DOK6: variants seen among roughly 807,000 people sequenced by gnomAD.
DOK6 encodes the protein downstream of tyrosine kinase 6.
DOK6 carries 22 observed loss-of-function variants against 44.0 expected under a neutral mutation model. That is an observed-to-expected ratio of 0.50 (90% CI 0.36 to 0.71). The LOEUF (loss-of-function observed/expected upper bound fraction) is 0.71, where lower values mean the gene tolerates loss of function less well. Among genes scored for constraint, DOK6 ranks in the 30% least tolerant of loss-of-function variants. The probability of loss-of-function intolerance (pLI) is 0.00; values close to 1 mark genes in which losing one functional copy is unlikely to be tolerated. For synonymous variants in DOK6, 166 were observed against 145.5 expected, an observed-to-expected ratio of 1.14 and a Z score of -1.01; for missense variants, 340 against 416.4, an observed-to-expected ratio of 0.82 and a Z score of 1.60.
At chr18:69,470,714 G>A (rs181001110) in intron 1 of DOK6, among the ~76,000 whole-genome samples, 50 of 151,772 alleles carry the variant, frequency 3.3e-4, no homozygotes, top group Non-Finnish European at 6.9e-4. Context: ...ACATATATAT[G>A]TATATAACAC....
At chr18:69,828,140 A>G (rs1436651774) in intron 7 of DOK6, among the ~76,000 whole-genome samples, 3 of 151,924 alleles carry the variant, frequency 2.0e-5, no homozygotes, top group Non-Finnish European at 4.4e-5. Context: ...ATACTTTAAT[A>G]TAATATTCTT....
chr18:69,427,589 G>A (rs1298886903), intron 1 of DOK6, among the ~76,000 whole-genome samples: 1 of 152,110 alleles, frequency 6.6e-6, no homozygotes, highest in Non-Finnish European at 1.5e-5. Flanking sequence ...ATTCGGCCCA[G>A]CAATCCCATT....
At chr18:69,424,483 A>G (rs1978582025) in intron 1 of DOK6, among the ~76,000 whole-genome samples, 1 of 152,208 alleles carries the variant, frequency 6.6e-6, no homozygotes, top group Non-Finnish European at 1.5e-5. Context: ...CAAGAATGCC[A>G]TCTATATTTT....
At chr18:69,759,938 C>T (rs528700709) in intron 7 of DOK6, among the ~76,000 whole-genome samples, 1 of 152,260 alleles carries the variant, frequency 6.6e-6, no homozygotes, top group African/African-American at 2.4e-5. Context: ...TTACGTTTCA[C>T]TATACTGTGG....
At position 69,843,370 on chromosome 18, in the gene DOK6, C is replaced by T. The variant is rs1982277752; in HGVS notation, c.*1987C>T. The T allele has an allele frequency of 6.6e-6, 1 of 152,196 alleles. No homozygotes were observed. The highest frequency in any genetic ancestry group is 6.5e-5 in the Admixed American group (1 of 15,274). The allele number at this position is 152,196 out of a possible 1,614,324, so 9.4% of individuals were successfully genotyped here. A position where few individuals can be genotyped will look rare whatever the true frequency, so the allele number is the denominator to read the frequency against. Reference sequence around the variant, plus strand: ...CATTTGCTTTTGAAATGCCTTTAGTCAAATACACCAGAGCAACTCCCAGCT... The same window carrying T: ...CATTTGCTTTTGAAATGCCTTTAGTTAAATACACCAGAGCAACTCCCAGCT... On this transcript the variant is annotated 3_prime_UTR_variant, in exon 8 of 8. Transcript: ENST00000382713.
chr18:69,504,226 GATCT>G (rs1181978393), intron 1 of DOK6, among the ~76,000 whole-genome samples: 2 of 151,916 alleles, frequency 1.3e-5, no homozygotes, highest in Non-Finnish European at 2.9e-5. Context: ...GGTCAACAAA[GATCT>G]ATCTCTTTGT....
chr18:69,426,824 G>T (rs12455499), intron 1 of DOK6, among the ~76,000 whole-genome samples: 5,004 of 151,776 alleles, frequency 0.033, 133 homozygotes, highest in Admixed American at 0.088. Flanking sequence ...TGACTTTTTT[G>T]TACTCTCCTT....
intron 7 of DOK6, among the ~76,000 whole-genome samples, chr18:69,821,481 A>T (rs951195860): frequency 6.6e-6 from 1 of 152,196 alleles, no homozygotes; most frequent in African/African-American, 2.4e-5. Context: ...ATCACAGTTT[A>T]TAGGATATTT....
intron 2 of DOK6, among the ~76,000 whole-genome samples, chr18:69,577,928 T>C (rs1035919043): frequency 6.6e-6 from 1 of 152,142 alleles, no homozygotes; most frequent in African/African-American, 2.4e-5. Context: ...GGAAAGCAGA[T>C]CACTCAGTAC....
chr18:69,513,371 C>G (rs934991659), intron 1 of DOK6, among the ~76,000 whole-genome samples: 2 of 152,196 alleles, frequency 1.3e-5, no homozygotes, highest in African/African-American at 4.8e-5. Flanking sequence ...TGCGCACACA[C>G]ATATACTCAC....
At chr18:69,536,469 T>C (rs138107630) in intron 1 of DOK6, among the ~76,000 whole-genome samples, 14 of 152,320 alleles carry the variant, frequency 9.2e-5, no homozygotes, top group African/African-American at 3.4e-4. Flanking sequence ...GTATATCTTA[T>C]CTTTATGAAA....
intron 3 of DOK6, among the ~76,000 whole-genome samples, chr18:69,642,390 A>T (rs1397640935): frequency 2.6e-5 from 4 of 152,028 alleles, no homozygotes; most frequent in Non-Finnish European, 4.4e-5. Flanking sequence ...CTTGTTTGCT[A>T]GGCATGGTAG....
intron 7 of DOK6, among the ~76,000 whole-genome samples, chr18:69,811,851 A>G (rs1161773404): frequency 6.6e-6 from 1 of 151,982 alleles, no homozygotes; most frequent in Non-Finnish European, 1.5e-5. Flanking sequence ...GATTTCCCTA[A>G]GAATATCCCA....
chr18:69,791,743 C>G (rs1980605940), intron 7 of DOK6, among the ~76,000 whole-genome samples: 1 of 150,974 alleles, frequency 6.6e-6, no homozygotes, highest in Non-Finnish European at 1.5e-5. Context: ...GCTGTAGAAG[C>G]TTTTTAACTT....
At chr18:69,506,499 ACAACATAAC>A (rs1176571738) in intron 1 of DOK6, among the ~76,000 whole-genome samples, 1 of 152,180 alleles carries the variant, frequency 6.6e-6, no homozygotes, top group Non-Finnish European at 1.5e-5. Context: ...GAAATCAGAC[ACAACATAAC>A]CTTTCCAGTT....
intron 5 of DOK6, among the ~76,000 whole-genome samples, chr18:69,730,023 C>T (rs1462914121): frequency 6.6e-6 from 1 of 152,066 alleles, no homozygotes; most frequent in African/African-American, 2.4e-5. Flanking sequence ...AAGGATAAAT[C>T]AATACGGAAG....
At chr18:69,451,908 A>G (rs1345011852) in intron 1 of DOK6, among the ~76,000 whole-genome samples, 2 of 98,940 alleles carry the variant, frequency 2.0e-5, no homozygotes, top group Non-Finnish European at 2.1e-5. Context: ...GACGCATTCA[A>G]AGCAGTGTGT....
At chr18:69,608,949 C>CAAA (rs35590191) in intron 3 of DOK6, among the ~76,000 whole-genome samples, 2,092 of 124,042 alleles carry the variant, frequency 0.017, 51 homozygotes, top group African/African-American at 0.04. Flanking sequence ...GACTCTGTCT[C>CAAA]AAAAAAAAAA....
chr18:69,727,889 A>G lies in DOK6; in HGVS notation c.600-11076A>G, dbSNP rs538441479. ...AAATGACTCACCTTGGTGTGATACT[A>G]TTTTCTGCCCCTTCTTCCCAGTTTT... On this transcript the variant is annotated intron_variant, in intron 5 of 7. Transcript: ENST00000382713. 5.3e-5 allele frequency among the ~76,000 whole-genome samples: 8 copies of G among 152,170 alleles called. No homozygotes were observed. The South Asian group carries it at 1.7e-3, about 32-fold the overall frequency.
Sources: gnomAD v4.1 joint callset for allele counts (sites outside exome capture counted in the v4.1 genomes callset) on GRCh38, gnomAD v4.1.1 for gene constraint, MANE v1.5 for transcripts, NCBI Gene and HGNC (gene_info 2026-07-23, HGNC 2026-07-21) for gene names.